The following MLXIPL variants were observed in gnomAD, a reference collection of about 807,000 sequenced individuals.
MLXIPL encodes carbohydrate-responsive element-binding protein.
MLXIPL carries 49 observed loss-of-function variants against 81.5 expected under a neutral mutation model. The ratio of observed to expected loss-of-function variants is 0.60; its 90% CI spans 0.48 to 0.76. MLXIPL has a LOEUF of 0.76. Among genes scored for constraint, MLXIPL ranks in the 30% least tolerant of loss-of-function variants. The pLI, the probability that MLXIPL is intolerant of heterozygous loss-of-function variation, is 0.00. For missense variants in MLXIPL, 1,053 were observed against 1,167.0 expected (o/e 0.90, Z 1.42); for synonymous variants, 466 against 485.5 (o/e 0.96, Z 0.53).
Position 73,606,956 on chromosome 7 carries a change from G to C in MLXIPL, c.618+18C>G. 1 of 1,613,072 alleles carries C rather than the reference G, an allele frequency of 6.2e-7. No homozygotes were observed. The highest frequency in any genetic ancestry group is 2.2e-5 in the East Asian group (1 of 44,878). ...GGCAAAGGGATGCCCTTGCCTGCTGGACTTACAGAGCACCCACCTGCTTAG... is the reference window on the plus strand; with the variant it reads ...GGCAAAGGGATGCCCTTGCCTGCTGCACTTACAGAGCACCCACCTGCTTAG... On this transcript the variant is annotated intron_variant, in intron 5 of 16. Transcript: ENST00000313375.
At chr7:73,595,266 C>A (rs527807930) in intron 15 of MLXIPL, among the ~76,000 whole-genome samples, 4 of 152,216 alleles carry the variant, frequency 2.6e-5, no homozygotes, top group African/African-American at 9.6e-5. Flanking sequence ...GAGCTCCCTG[C>A]CTGGGCTCAG....
At position 73,597,530 on chromosome 7, in the gene MLXIPL, C is replaced by T. The variant is rs1794441832; in HGVS notation, c.1255G>A (p.Ala419Thr). ...TCCTGCAGCAAAGCAGTGGGTGGTG[C>T]CATGGGAGGGAAGGGAGGTGGGGGG... ...PCPPPPFPPMAPPTALLQEEP... is the reference protein window; with the variant it reads ...PCPPPPFPPMTPPTALLQEEP... Residue 419 changes from alanine to threonine, a missense_variant, in exon 9 of 17, where the codon GCA becomes ACA. Physicochemically the swap from Ala to Thr is moderately conservative, Grantham distance 58. Coordinates refer to ENST00000313375, the MANE Select transcript of MLXIPL (RefSeq NM_032951.3). The T allele has an allele frequency of 7.3e-7, 1 of 1,365,100 alleles. No individual in the cohort carries two copies. Among genetic ancestry groups the T allele is most frequent in the Non-Finnish European group, 9.5e-7 (1 of 1,057,752 alleles). The allele number at this position is 1,365,100 out of a possible 1,614,324, so 84.6% of individuals were successfully genotyped here. A position where few individuals can be genotyped will look rare whatever the true frequency, so the allele number is the denominator to read the frequency against.
chr7:73,633,626 A>AT, the MLXIPL span, among the ~76,000 whole-genome samples: 15 of 151,008 alleles, frequency 9.9e-5, no homozygotes, highest in East Asian at 5.9e-4. Flanking sequence ...GCTAATTTTT[A>AT]TTTTTTTTGT....
At chr7:73,642,662 T>A in the MLXIPL span, among the ~76,000 whole-genome samples, 26 of 151,952 alleles carry the variant, frequency 1.7e-4, no homozygotes, top group East Asian at 5.8e-4. Flanking sequence ...GGCCCTTTTT[T>A]AAATTTATTT....
intron 7 of MLXIPL, among the ~76,000 whole-genome samples, chr7:73,601,394 A>T (rs1044128485): frequency 2.0e-5 from 3 of 151,880 alleles, no homozygotes; most frequent in African/African-American, 7.3e-5. Context: ...GAACCCCAGG[A>T]AGCAGTCCCC....
the MLXIPL span, among the ~76,000 whole-genome samples, chr7:73,645,768 A>T: frequency 3.3e-5 from 5 of 152,120 alleles, no homozygotes; most frequent in Admixed American, 1.3e-4. Context: ...GGGAACAGAA[A>T]CCAGGGCTTT....
intron 7 of MLXIPL, among the ~76,000 whole-genome samples, chr7:73,604,654 A>G (rs1795144584): frequency 6.6e-6 from 1 of 152,196 alleles, no homozygotes; most frequent in Non-Finnish European, 1.5e-5. Flanking sequence ...ACTGGCCAAG[A>G]GTTGATAAGT....
chr7:73,607,791 A>G (rs1795421660), intron 2 of MLXIPL, 119 bp from the exon 3 acceptor site: 1 of 789,306 alleles, frequency 1.3e-6, no homozygotes, highest in South Asian at 1.6e-5. Context: ...GTTCAGATTA[A>G]GTGCCCATGC....
At chr7:73,647,591 T>C in the MLXIPL span, among the ~76,000 whole-genome samples, 1 of 152,134 alleles carries the variant, frequency 6.6e-6, no homozygotes, top group Non-Finnish European at 1.5e-5. Context: ...GCCTCCTTCC[T>C]CCTGGCAGCT....
At chr7:73,636,046 G>A in the MLXIPL span, among the ~76,000 whole-genome samples, 11 of 152,272 alleles carry the variant, frequency 7.2e-5, no homozygotes, top group African/African-American at 2.2e-4. Flanking sequence ...AGTTAAGGGC[G>A]GCCGGACTTG....
chr7:73,596,616 A>G lies in MLXIPL; in HGVS notation c.1822+23T>C, dbSNP rs1267924864. 2 of 1,603,664 alleles carry G rather than the reference A, an allele frequency of 1.2e-6. No homozygotes were observed. The highest frequency in any genetic ancestry group is 1.7e-6 in the Non-Finnish European group (2 of 1,175,528). On this transcript the variant is annotated intron_variant, in intron 11 of 16. Transcript: ENST00000313375. The surrounding 1 kb of genome is among the most constrained non-coding windows in gnomAD (Gnocchi z 4.7). ...TCCCCTCATCCCCTAGATTCCCCCAATCCCTGCAACCCCTCTCTTTACCGC... is the reference window on the plus strand; with the variant it reads ...TCCCCTCATCCCCTAGATTCCCCCAGTCCCTGCAACCCCTCTCTTTACCGC...
At chr7:73,599,883 G>A (rs1439630823) in intron 7 of MLXIPL, among the ~76,000 whole-genome samples, 188 bp from the exon 8 acceptor site, 2 of 152,054 alleles carry the variant, frequency 1.3e-5, no homozygotes, top group African/African-American at 4.8e-5. Flanking sequence ...AGGGGAAGCA[G>A]CAACCGTCTT....
At chr7:73,645,030 T>C in the MLXIPL span, among the ~76,000 whole-genome samples, 1 of 97,136 alleles carries the variant, frequency 1.0e-5, no homozygotes, top group African/African-American at 3.2e-5. Context: ...GGGTAGAGCA[T>C]TTTTTTTTTT....
At chr7:73,626,942 C>A (rs1554603971), upstream of MLXIPL, among the ~76,000 whole-genome samples, 1 of 152,184 alleles carries the variant, frequency 6.6e-6, no homozygotes, top group Non-Finnish European at 1.5e-5. Flanking sequence ...CACCTAGGAT[C>A]ACAATGGCAG....
At chr7:73,601,194 T>TGTGTGTG (rs1794794420) in intron 7 of MLXIPL, among the ~76,000 whole-genome samples, 1 of 151,284 alleles carries the variant, frequency 6.6e-6, no homozygotes, top group South Asian at 2.1e-4. Context: ...TGTGTGTGTG[T>TGTGTGTG]GTGTGTGTGT....
chr7:73,596,710 G>C lies in MLXIPL; in HGVS notation c.1751C>G (p.Pro584Arg). ...GGGCCTGGAAGGGGCCAATGTGGCC[G>C]GGCCTGGAGGTGGCCGGGGCGGTGT... ...APTPPRPPPG[P>R]ATLAPSRPLL... Residue 584 changes from proline to arginine, a missense_variant, in exon 11 of 17, where the codon CCG becomes CGG. This residue lies in a region of MLXIPL where 823 missense variants were observed against 933.0 expected (regional missense o/e 0.88). Coordinates refer to ENST00000313375, the MANE Select transcript of MLXIPL (RefSeq NM_032951.3). The surrounding 1 kb of genome is among the most constrained non-coding windows in gnomAD (Gnocchi z 4.7). 2 of 1,589,830 alleles carry C rather than the reference G, an allele frequency of 1.3e-6. No individual in the cohort carries two copies. The highest frequency in any genetic ancestry group is 1.7e-6 in the Non-Finnish European group (2 of 1,168,510).
At chr7:73,629,321 T>C (rs552720736), upstream of MLXIPL, among the ~76,000 whole-genome samples, 1 of 152,064 alleles carries the variant, frequency 6.6e-6, no homozygotes, top group African/African-American at 2.4e-5. Context: ...ATTACAGGAG[T>C]GAGGCACCGT....
Position 73,616,109 on chromosome 7 carries a change from C to T in MLXIPL, c.362G>A (p.Arg121His), listed in dbSNP as rs781863276. The change falls in exon 2 of 17, where the codon CGC (arginine) becomes CAC (histidine). Residue 121 changes from arginine (R) to histidine (H), a missense_variant. Arg to His is a conservative substitution (Grantham distance 29). Transcript: ENST00000313375. Reference sequence around the variant, plus strand: ...GGCCCTCCAGATGGCGTTGTTCAGGCGGATCTTGTCTCTGCAGAGCAGCTT... The same window carrying T: ...GGCCCTCCAGATGGCGTTGTTCAGGTGGATCTTGTCTCTGCAGAGCAGCTT... ...GLKLLCRDKI[R>H]LNNAIWRAWY... is the part of the protein sequence containing the mutation. 8.7e-6 allele frequency: 14 copies of T among 1,613,872 alleles called. No homozygotes were observed. The highest frequency in any genetic ancestry group is 3.3e-5 in the Admixed American group (2 of 59,976).
Position 73,596,965 on chromosome 7 carries a change from G to T in MLXIPL, c.1604-33C>A. ...CGGGCAGAACCGTGAGGCTACTGGG[G>T]CTGGCCCACCCCCGGCATCTATCAA... On this transcript the variant is annotated intron_variant, in intron 9 of 16. Transcript: ENST00000313375. This position sits in a 1 kb window ranked among gnomAD's most constrained non-coding sequence, Gnocchi z 4.7. 2 of 1,595,384 alleles carry T rather than the reference G, an allele frequency of 1.3e-6. No homozygotes were observed. The highest frequency in any genetic ancestry group is 1.7e-6 in the Non-Finnish European group (2 of 1,172,954).
Sources: gnomAD v4.1 joint callset for allele counts (sites outside exome capture counted in the v4.1 genomes callset) on GRCh38, gnomAD v4.1.1 for gene constraint, gnomAD v4.1.1 regional missense constraint, Gnocchi (gnomAD v3.1) non-coding constraint, MANE v1.5 for transcripts, NCBI Gene and HGNC (gene_info 2026-07-23, HGNC 2026-07-21) for gene names.